The following FAM24B variants were observed in gnomAD, a reference collection of about 807,000 sequenced individuals.
FAM24B encodes the protein protein FAM24B.
A neutral mutation model predicts 2.3 loss-of-function variants in FAM24B; 3 were observed. That is an observed-to-expected ratio of 1.29 (90% CI 0.59 to 3.32). The LOEUF (loss-of-function observed/expected upper bound fraction) is 3.32. Among genes scored for constraint, FAM24B ranks in the 30% most tolerant of loss-of-function variants. The probability of loss-of-function intolerance (pLI) is 0.03; values close to 1 mark genes in which losing one functional copy is unlikely to be tolerated. For missense variants in FAM24B, 98 were observed against 117.2 expected, an observed-to-expected ratio of 0.84 and a Z score of 0.76; for synonymous variants, 36 against 46.3, an observed-to-expected ratio of 0.78 and a Z score of 0.90.
intron 1 of FAM24B, among the ~76,000 whole-genome samples, chr10:122,862,973 T>C (rs915577985): frequency 3.3e-5 from 5 of 151,820 alleles, no homozygotes; most frequent in African/African-American, 4.8e-5. Flanking sequence ...AGGGCCAGCT[T>C]GGGAGGGGAC....
chr10:122,862,478 A>G (rs533599782), intron 1 of FAM24B, among the ~76,000 whole-genome samples: 3 of 152,340 alleles, frequency 2.0e-5, no homozygotes, highest in Non-Finnish European at 4.4e-5. Flanking sequence ...GTGATTGTCT[A>G]TACGTGGTTG....
chr10:122,875,419 A>C (rs1165294423), intron 1 of FAM24B, among the ~76,000 whole-genome samples: 1 of 152,218 alleles, frequency 6.6e-6, no homozygotes, highest in East Asian at 1.9e-4. Flanking sequence ...ATCATATGTA[A>C]GAATGGTTCT....
intron 1 of FAM24B, among the ~76,000 whole-genome samples, chr10:122,872,869 T>C (rs2133841431): frequency 6.6e-6 from 1 of 152,188 alleles, no homozygotes; most frequent in African/African-American, 2.4e-5. Flanking sequence ...CACACCAACA[T>C]GGCACATGTA....
chr10:122,855,903 C>T (rs1237899837), intron 1 of FAM24B, 117 bp from the exon 2 acceptor site: 1 of 152,234 alleles, frequency 6.6e-6, no homozygotes, highest in African/African-American at 2.4e-5. Flanking sequence ...GCTCAGCTAA[C>T]ATGCTGAGTT....
chr10:122,850,644 A>G (rs1399235441), intron 2 of FAM24B, 94 bp from the exon 3 acceptor site: 2 of 708,266 alleles, frequency 2.8e-6, no homozygotes, highest in Non-Finnish European at 5.1e-6. Context: ...GGAAGAAGAA[A>G]CCCCAAACAC....
intron 1 of FAM24B, among the ~76,000 whole-genome samples, chr10:122,862,022 A>G (rs1468954257): frequency 2.6e-5 from 4 of 152,122 alleles, no homozygotes; most frequent in Non-Finnish European, 4.4e-5. Context: ...TCAAGCCACA[A>G]TGGCCCTCCT....
intron 1 of FAM24B, among the ~76,000 whole-genome samples, chr10:122,870,041 A>G (rs562414504): frequency 6.6e-6 from 1 of 152,326 alleles, no homozygotes; most frequent in African/African-American, 2.4e-5. Flanking sequence ...ACCGCTAGTA[A>G]GACTAATAAA....
intron 2 of FAM24B, among the ~76,000 whole-genome samples, chr10:122,853,434 C>T (rs2133825674): frequency 6.6e-6 from 1 of 152,302 alleles, no homozygotes; most frequent in African/African-American, 2.4e-5. Context: ...GATGGCCCTC[C>T]CTGTCCCTCG....
At chr10:122,850,638 G>A (rs1324831814) in intron 2 of FAM24B, 88 bp from the exon 3 acceptor site, 6 of 728,974 alleles carry the variant, frequency 8.2e-6, no homozygotes, top group Admixed American at 5.9e-5. Context: ...AGGGGAGGAA[G>A]AAGAAACCCC....
At chr10:122,868,126 C>T (rs1034775145) in intron 1 of FAM24B, among the ~76,000 whole-genome samples, 2 of 152,054 alleles carry the variant, frequency 1.3e-5, no homozygotes, top group African/African-American at 2.4e-5. Flanking sequence ...AACCATGGCA[C>T]GAGAACTACG....
At chr10:122,875,501 T>C (rs1847963259) in intron 1 of FAM24B, among the ~76,000 whole-genome samples, 1 of 152,210 alleles carries the variant, frequency 6.6e-6, no homozygotes, top group South Asian at 2.1e-4. Flanking sequence ...AAGCCAGACA[T>C]AATATATCTG....
intron 1 of FAM24B, among the ~76,000 whole-genome samples, chr10:122,876,462 C>T (rs1847978454): frequency 6.6e-6 from 1 of 152,192 alleles, no homozygotes; most frequent in South Asian, 2.1e-4. Flanking sequence ...GAGTTTTAAT[C>T]CAATCCTTGT....
rs181730286 is a variant in FAM24B, at chr10:122,869,422, C to T, written c.-178+10063G>A. ...TATCCAGGAATTGAACTCAACTCTGCACCAAGTGGACCTAACAGACATCTA... is the reference window on the plus strand; with the variant it reads ...TATCCAGGAATTGAACTCAACTCTGTACCAAGTGGACCTAACAGACATCTA... On this transcript the variant is annotated intron_variant, in intron 1 of 3. Transcript: ENST00000368898. Among the ~76,000 whole-genome samples the T allele has an allele frequency of 2.8e-3, 430 of 152,276 alleles. 4 individuals carry two copies. Among genetic ancestry groups the T allele is most frequent in the African/African-American group, 9.9e-3 (410 of 41,532 alleles).
intron 1 of FAM24B, among the ~76,000 whole-genome samples, chr10:122,866,065 G>A (rs770585049): frequency 2.0e-5 from 3 of 151,768 alleles, no homozygotes; most frequent in African/African-American, 4.8e-5. Flanking sequence ...ACCACACCTC[G>A]TTAGTTTTTT....
intron 1 of FAM24B, among the ~76,000 whole-genome samples, chr10:122,859,959 G>A (rs1031718922): frequency 2.0e-5 from 3 of 152,110 alleles, no homozygotes; most frequent in African/African-American, 7.2e-5. Flanking sequence ...CAGTGGCACT[G>A]AGAGCCATCA....
At chr10:122,854,206 T>C (rs1248375252) in intron 2 of FAM24B, among the ~76,000 whole-genome samples, 2 of 152,368 alleles carry the variant, frequency 1.3e-5, no homozygotes, top group East Asian at 3.9e-4. Context: ...CTTTCTACAT[T>C]GCTTGTAAGT....
rs575046197 is a variant in FAM24B, at chr10:122,868,426, T to C, written c.-178+11059A>G. Among the ~76,000 whole-genome samples, 280 of 152,106 alleles carry C rather than the reference T, an allele frequency of 1.8e-3. 1 individual carries two copies. Among genetic ancestry groups the C allele is most frequent in the Non-Finnish European group, 3.0e-3 (206 of 67,998 alleles). On this transcript the variant is annotated intron_variant, in intron 1 of 3. Transcript: ENST00000368898. ...GGCCAACATTCAAATTCAGGAAATA[T>C]AGAGAACGCCACAAAGATACTCCTG...
intron 1 of FAM24B, among the ~76,000 whole-genome samples, chr10:122,871,835 T>C (rs1847903053): frequency 6.6e-6 from 1 of 152,106 alleles, no homozygotes; most frequent in Non-Finnish European, 1.5e-5. Flanking sequence ...ATAAAAACCC[T>C]AGAAGAAAAC....
chr10:122,854,222 A>G (rs72839722), intron 2 of FAM24B, among the ~76,000 whole-genome samples: 3,650 of 152,298 alleles, frequency 0.024, 61 homozygotes, highest in Middle Eastern at 0.061. Context: ...TAAGTCACCA[A>G]CATTTAACTA....
Sources: gnomAD v4.1 joint callset for allele counts (sites outside exome capture counted in the v4.1 genomes callset) on GRCh38, gnomAD v4.1.1 for gene constraint, MANE v1.5 for transcripts, NCBI Gene and HGNC (gene_info 2026-07-23, HGNC 2026-07-21) for gene names.